Variants in CREB5 observed in about 807,000 individuals in gnomAD.
CREB5 encodes cAMP responsive element binding protein 5, also known as cyclic AMP-responsive element-binding protein 5.
A neutral mutation model predicts 57.1 loss-of-function variants in CREB5; 19 were observed. That is an observed-to-expected ratio of 0.33 (90% CI 0.23 to 0.49). The LOEUF (loss-of-function observed/expected upper bound fraction) is 0.49, where lower values mean the gene tolerates loss of function less well. Among genes scored for constraint, CREB5 ranks in the 20% least tolerant of loss-of-function variants. The pLI is 0.99. For missense variants in CREB5, 579 were observed against 671.6 expected, an observed-to-expected ratio of 0.86 and a Z score of 1.52; for synonymous variants, 238 against 238.3, an observed-to-expected ratio of 1.00 and a Z score of 0.01.
chr7:28,330,257 C>T (rs887541606), intron 1 of CREB5, among the ~76,000 whole-genome samples: 1 of 152,156 alleles, frequency 6.6e-6, no homozygotes, highest in African/African-American at 2.4e-5. Context: ...CTAAGTGACT[C>T]AAATTTATAG....
chr7:28,524,171 C>T (rs1294784398), intron 4 of CREB5, among the ~76,000 whole-genome samples: 2 of 152,192 alleles, frequency 1.3e-5, no homozygotes, highest in East Asian at 1.9e-4. Flanking sequence ...CTTTAGTATA[C>T]ACTTCCTTTT....
At chr7:28,732,859 T>G (rs972204473) in intron 7 of CREB5, among the ~76,000 whole-genome samples, 2 of 151,794 alleles carry the variant, frequency 1.3e-5, no homozygotes, top group African/African-American at 4.8e-5. Context: ...TTTTTTTTCT[T>G]AAAACCCAAG....
chr7:28,400,235 T>C (rs915373188), intron 1 of CREB5, among the ~76,000 whole-genome samples: 1 of 152,206 alleles, frequency 6.6e-6, no homozygotes, highest in Non-Finnish European at 1.5e-5. Flanking sequence ...TCAACTTCCT[T>C]ACTTATTACC....
At chr7:28,732,332 G>A (rs1022530143) in intron 7 of CREB5, among the ~76,000 whole-genome samples, 2 of 152,052 alleles carry the variant, frequency 1.3e-5, no homozygotes, top group Non-Finnish European at 2.9e-5. Flanking sequence ...CCCAGCACGC[G>A]CATTGCTGGG....
At chr7:28,555,436 T>C (rs1794827461) in intron 4 of CREB5, among the ~76,000 whole-genome samples, 1 of 152,252 alleles carries the variant, frequency 6.6e-6, no homozygotes, top group Non-Finnish European at 1.5e-5. Flanking sequence ...TTATAAACCT[T>C]TAAAAAGGCG....
intron 4 of CREB5, among the ~76,000 whole-genome samples, chr7:28,525,645 G>T (rs929294186): frequency 6.6e-6 from 1 of 152,136 alleles, no homozygotes; most frequent in Admixed American, 6.6e-5. Flanking sequence ...TTGGCATGCA[G>T]TAAGGTACCA....
At chr7:28,684,601 A>G (rs751084114) in intron 5 of CREB5, among the ~76,000 whole-genome samples, 1 of 152,232 alleles carries the variant, frequency 6.6e-6, no homozygotes, top group Non-Finnish European at 1.5e-5. Flanking sequence ...AGATTTCTCC[A>G]AAAACACAGT....
At chr7:28,604,453 G>A (rs1346413229) in intron 5 of CREB5, among the ~76,000 whole-genome samples, 7 of 152,080 alleles carry the variant, frequency 4.6e-5, no homozygotes, top group African/African-American at 1.7e-4. Context: ...ATTTCATTCA[G>A]AAGAATCAAA....
At position 28,396,995 on chromosome 7, in the gene CREB5, G is replaced by A. The variant is rs191695251; in HGVS notation, c.-25+97554G>A. On this transcript the variant is annotated intron_variant, in intron 1 of 9. Coordinates refer to the CREB5 transcript ENST00000396299. ...GATTGCTTTATAATACATCTTAGAT[G>A]CCATAAGGCTATGTAGATATTTTCT... Among the ~76,000 whole-genome samples, 93 of 152,286 alleles carry A rather than the reference G, an allele frequency of 6.1e-4. 1 individual carries two copies. The highest frequency in any genetic ancestry group is 3.4e-3 in the Middle Eastern group (1 of 294).
chr7:28,681,970 C>G (rs1583536972), intron 5 of CREB5, among the ~76,000 whole-genome samples: 1 of 152,178 alleles, frequency 6.6e-6, no homozygotes, highest in African/African-American at 2.4e-5. Context: ...TCAAATGGCT[C>G]TTGTGACCTC....
chr7:28,432,764 T>C (rs1788777373), intron 1 of CREB5, among the ~76,000 whole-genome samples: 1 of 152,210 alleles, frequency 6.6e-6, no homozygotes, highest in Non-Finnish European at 1.5e-5. Context: ...CTTTTTAAAA[T>C]TTAAAGATAA....
At chr7:28,666,721 G>A (rs901864994) in intron 5 of CREB5, among the ~76,000 whole-genome samples, 3 of 151,930 alleles carry the variant, frequency 2.0e-5, no homozygotes, top group Non-Finnish European at 4.4e-5. Flanking sequence ...CAACTACTCA[G>A]GAGGCCCAGG....
intron 5 of CREB5, among the ~76,000 whole-genome samples, chr7:28,581,627 A>G (rs191953192): frequency 2.0e-5 from 3 of 152,220 alleles, no homozygotes; most frequent in Non-Finnish European, 2.9e-5. Context: ...CAGACCCTCA[A>G]GAGCTTCCTA....
intron 5 of CREB5, among the ~76,000 whole-genome samples, chr7:28,617,922 C>T (rs1461997860): frequency 6.6e-6 from 1 of 152,130 alleles, no homozygotes; most frequent in Non-Finnish European, 1.5e-5. Context: ...ACAGAGATGA[C>T]AGGAAGCCAT....
At chr7:28,749,254 A>C (rs935405157) in intron 7 of CREB5, 3 of 152,244 alleles carry the variant, frequency 2.0e-5, no homozygotes, top group African/African-American at 7.2e-5. Context: ...GTATTTAAAT[A>C]CAAGTCTCCA....
At chr7:28,481,639 A>G (rs923428957) in intron 1 of CREB5, among the ~76,000 whole-genome samples, 11 of 152,192 alleles carry the variant, frequency 7.2e-5, no homozygotes, top group South Asian at 4.1e-4. Flanking sequence ...TAATAGCCCA[A>G]TGAAATTCAG....
intron 2 of CREB5, 80 bp downstream of exon 2, chr7:28,488,326 C>T: frequency 1.5e-6 from 2 of 1,312,816 alleles, no homozygotes; most frequent in Admixed American, 3.5e-5. Context: ...GGCAATCATG[C>T]CTGCCCTGGG....
At chr7:28,588,412 C>A (rs1022836059) in intron 5 of CREB5, among the ~76,000 whole-genome samples, 2 of 152,132 alleles carry the variant, frequency 1.3e-5, no homozygotes, top group Non-Finnish European at 2.9e-5. Flanking sequence ...CCTAAACGCC[C>A]AGCATGTTAT....
chr7:28,403,070 G>A (rs1333690317), intron 1 of CREB5, among the ~76,000 whole-genome samples: 1 of 152,190 alleles, frequency 6.6e-6, no homozygotes, highest in Non-Finnish European at 1.5e-5. Context: ...ACAACCACTG[G>A]TGTAAAAATG....
Sources: gnomAD v4.1 joint callset for allele counts (sites outside exome capture counted in the v4.1 genomes callset) on GRCh38, gnomAD v4.1.1 for gene constraint, MANE v1.5 for transcripts, NCBI Gene and HGNC (gene_info 2026-07-23, HGNC 2026-07-21) for gene names.